The following CLDN14 variants were observed in gnomAD, a reference collection of about 807,000 sequenced individuals.
CLDN14 encodes claudin-14.
CLDN14 carries 2 observed loss-of-function variants against 2.1 expected under a neutral mutation model. The ratio of observed to expected loss-of-function variants is 0.96; its 90% CI spans 0.39 to 3.01. The LOEUF (loss-of-function observed/expected upper bound fraction) is 3.01. CLDN14 is among the 30% of genes most tolerant of loss of function. The probability of loss-of-function intolerance (pLI) is 0.09; values close to 1 mark genes in which losing one functional copy is unlikely to be tolerated. For synonymous variants in CLDN14, 136 were observed against 154.4 expected (o/e 0.88, Z 0.88); for missense variants, 298 against 328.0 (o/e 0.91, Z 0.71).
rs886303536 is a variant in CLDN14 at position 36,519,730 on chromosome 21, C to CAAA, written c.-219-9231_-219-9230insTTT. Among the ~76,000 whole-genome samples, 1,003 of 108,388 alleles carry CAAA rather than the reference C, an allele frequency of 9.3e-3. 10 individuals are homozygous for CAAA. The highest frequency in any genetic ancestry group is 0.016 in the African/African-American group (546 of 34,424). 71.1% of individuals were successfully genotyped at this position (108,388 alleles called of 152,430 possible). On this transcript the variant is annotated intron_variant, in intron 1 of 2. Transcript: ENST00000342108. ...GTCTAAAAAACAACAACAACAACAA[C>CAAA]AACAAAACCCCAAAAACAAAAAAAC...
chr21:36,515,789 C>CACTTTTTT (rs2087223812), intron 1 of CLDN14, among the ~76,000 whole-genome samples: 1 of 115,314 alleles, frequency 8.7e-6, no homozygotes, highest in Admixed American at 9.4e-5. Flanking sequence ...TTTATCTTCT[C>CACTTTTTT]TTTTTTTTTT....
chr21:36,497,927 A>G (rs1280754575), intron 2 of CLDN14, among the ~76,000 whole-genome samples: 3 of 151,986 alleles, frequency 2.0e-5, no homozygotes, highest in Admixed American at 6.6e-5. Context: ...CTTCAGTCTC[A>G]GTCTCAGCCA....
chr21:36,476,153 C>A (rs1248422351), intron 1 of CLDN14, among the ~76,000 whole-genome samples: 1 of 152,154 alleles, frequency 6.6e-6, no homozygotes, highest in Non-Finnish European at 1.5e-5. Context: ...TCTCACCTAC[C>A]CATAAGGCTA....
intron 1 of CLDN14, among the ~76,000 whole-genome samples, chr21:36,568,701 G>A (rs777887693): frequency 3.3e-5 from 5 of 152,150 alleles, no homozygotes; most frequent in Non-Finnish European, 7.4e-5. Context: ...CTCCAGCCTG[G>A]GCCACAGAGT....
At chr21:36,548,376 C>G (rs2087539294) in intron 1 of CLDN14, among the ~76,000 whole-genome samples, 2 of 152,224 alleles carry the variant, frequency 1.3e-5, no homozygotes, top group South Asian at 2.1e-4. Context: ...AGAGCTGCAT[C>G]AGGCCCATAT....
intron 2 of CLDN14, chr21:36,485,857 T>TG (rs2086889562): frequency 1.9e-6 from 1 of 524,354 alleles, no homozygotes; most frequent in Non-Finnish European, 3.3e-6. Flanking sequence ...CATTTCCTTT[T>TG]TTTTTTTTTT....
intron 1 of CLDN14, among the ~76,000 whole-genome samples, chr21:36,558,608 T>C (rs2087614036): frequency 6.6e-6 from 1 of 152,142 alleles, no homozygotes. Context: ...ATTATTCCTG[T>C]TTTTTATTTT....
intron 2 of CLDN14, chr21:36,485,973 C>T (rs185807374): frequency 3.6e-5 from 52 of 1,431,776 alleles, no homozygotes; most frequent in South Asian, 2.6e-4. Context: ...GCTACCCTTT[C>T]CCTCCAGTCT....
At chr21:36,556,540 C>T (rs1366403869) in intron 1 of CLDN14, among the ~76,000 whole-genome samples, 1 of 152,218 alleles carries the variant, frequency 6.6e-6, no homozygotes, top group African/African-American at 2.4e-5. Context: ...AATTTTCTAA[C>T]TCCCTGACTA....
At chr21:36,575,485 A>G (rs1477139040) in intron 1 of CLDN14, among the ~76,000 whole-genome samples, 2 of 152,028 alleles carry the variant, frequency 1.3e-5, no homozygotes, top group Non-Finnish European at 2.9e-5. Flanking sequence ...TAGGGTTTTG[A>G]CTCTAGATAG....
chr21:36,490,774 A>T (rs1456737886), intron 2 of CLDN14, among the ~76,000 whole-genome samples: 1 of 152,022 alleles, frequency 6.6e-6, no homozygotes, highest in Non-Finnish European at 1.5e-5. Context: ...GCCTTAAGAG[A>T]TCCTCCCACC....
upstream of CLDN14, among the ~76,000 whole-genome samples, chr21:36,484,717 T>A (rs938364191): frequency 2.0e-5 from 3 of 152,196 alleles, no homozygotes; most frequent in African/African-American, 7.2e-5. Flanking sequence ...AGAAGCTTTT[T>A]TTTTTCTTTT....
intron 1 of CLDN14, among the ~76,000 whole-genome samples, chr21:36,548,394 G>C (rs1055039438): frequency 6.6e-6 from 1 of 152,186 alleles, no homozygotes; most frequent in African/African-American, 2.4e-5. Context: ...TATTCACTGG[G>C]ACTCACTAAA....
rs540588126 is a variant in CLDN14, at chr21:36,491,807, G to A, written c.-82+18556C>T. Among the ~76,000 whole-genome samples the A allele has an allele frequency of 2.6e-5, 4 of 152,258 alleles. No homozygotes were observed. The South Asian group carries it at 8.3e-4, about 32-fold the overall frequency. The stretch of plus-strand genomic sequence containing the variant: ...CCAGTAAATATGGTGCATGTTGGGA[G>A]GACAGGTGCATGTGGACAGGCCGCC... On this transcript the variant is annotated intron_variant, in intron 2 of 2. Coordinates refer to the CLDN14 transcript ENST00000342108.
At chr21:36,517,403 A>G (rs2835376) in intron 1 of CLDN14, among the ~76,000 whole-genome samples, 1 of 152,044 alleles carries the variant, frequency 6.6e-6, no homozygotes, top group African/African-American at 2.4e-5. Flanking sequence ...GCATTAGACA[A>G]TGACCATATC....
chr21:36,553,900 C>T (rs1006474002), intron 1 of CLDN14, among the ~76,000 whole-genome samples: 6 of 152,110 alleles, frequency 3.9e-5, no homozygotes, highest in African/African-American at 1.2e-4. Flanking sequence ...GTTTAGCCAC[C>T]GCCCTGAGAA....
At chr21:36,462,886 TC>T (rs34627708) in intron 1 of CLDN14, among the ~76,000 whole-genome samples, 67,866 of 150,456 alleles carry the variant, frequency 0.45, 17,066 homozygotes, top group Non-Finnish European at 0.57. Flanking sequence ...CCACTGCACT[TC>T]ATCCTGGGCG....
chr21:36,531,292 T>G (rs1280584882), intron 1 of CLDN14, among the ~76,000 whole-genome samples: 2 of 129,948 alleles, frequency 1.5e-5, no homozygotes, highest in Non-Finnish European at 3.1e-5. Flanking sequence ...GCTATAAATG[T>G]TTTTTTTTTT....
At chr21:36,539,186 T>C (rs187268375) in intron 1 of CLDN14, among the ~76,000 whole-genome samples, 12 of 152,372 alleles carry the variant, frequency 7.9e-5, no homozygotes, top group African/African-American at 2.9e-4. Flanking sequence ...TGTGCCAGGC[T>C]CTGTGTCAGA....
Sources: gnomAD v4.1 joint callset for allele counts (sites outside exome capture counted in the v4.1 genomes callset) on GRCh38, gnomAD v4.1.1 for gene constraint, MANE v1.5 for transcripts, NCBI Gene and HGNC (gene_info 2026-07-23, HGNC 2026-07-21) for gene names.